The following MAML3 variants were observed in gnomAD, a reference collection of about 807,000 sequenced individuals.
MAML3 encodes the protein mastermind-like protein 3.
In MAML3, 27 loss-of-function variants were observed where a neutral mutation model predicts 101.9. The ratio of observed to expected loss-of-function variants is 0.27; its 90% confidence interval spans 0.20 to 0.37. The LOEUF (loss-of-function observed/expected upper bound fraction) is 0.37, where lower values mean the gene tolerates loss of function less well. Among genes scored for constraint, MAML3 ranks in the 10% least tolerant of loss-of-function variants. MAML3 has a pLI of 1.00. For missense variants in MAML3, 1,316 were observed against 1,444.9 expected, an observed-to-expected ratio of 0.91 and a Z score of 1.45; for synonymous variants, 501 against 555.9, an observed-to-expected ratio of 0.90 and a Z score of 1.39.
chr4:139,776,927 T>C (rs577191569), intron 2 of MAML3, among the ~76,000 whole-genome samples: 7 of 152,306 alleles, frequency 4.6e-5, no homozygotes, highest in Admixed American at 6.5e-5. Flanking sequence ...TAGCCATAAT[T>C]AAAGGGATGG....
chr4:140,121,410 CTTCTACAATCAAT>C (rs1247946549), intron 1 of MAML3, among the ~76,000 whole-genome samples: 2 of 152,180 alleles, frequency 1.3e-5, no homozygotes, highest in African/African-American at 4.8e-5. Flanking sequence ...TTCCAAGGTT[CTTCTACAATCAAT>C]TTCTACAATC....
chr4:139,945,728 C>A (rs1041590322), intron 1 of MAML3, among the ~76,000 whole-genome samples: 11 of 152,130 alleles, frequency 7.2e-5, no homozygotes, highest in African/African-American at 2.7e-4. Context: ...AATAATAAAA[C>A]CAAATTAAAA....
At chr4:139,847,959 T>A (rs1227957217) in intron 2 of MAML3, among the ~76,000 whole-genome samples, 2 of 152,192 alleles carry the variant, frequency 1.3e-5, no homozygotes, top group African/African-American at 4.8e-5. Context: ...ATTTTAGGGA[T>A]CTCCAATCTC....
At chr4:140,061,539 C>T (rs971001377) in intron 1 of MAML3, among the ~76,000 whole-genome samples, 3 of 152,184 alleles carry the variant, frequency 2.0e-5, no homozygotes, top group Non-Finnish European at 2.9e-5. Flanking sequence ...AATTCCAGTA[C>T]GTCAACTCAA....
chr4:140,007,217 A>T (rs572253933), intron 1 of MAML3, among the ~76,000 whole-genome samples: 1 of 152,374 alleles, frequency 6.6e-6, no homozygotes, highest in South Asian at 2.1e-4. Context: ...GTAAGATCTA[A>T]AAGAGATTAG....
chr4:139,790,462 G>A (rs1163533051), intron 2 of MAML3, among the ~76,000 whole-genome samples: 4 of 151,080 alleles, frequency 2.6e-5, no homozygotes, highest in Non-Finnish European at 5.9e-5. Flanking sequence ...GTATATTCAC[G>A]ATGTTGCGCA....
chr4:140,144,530 C>T (rs867524840), intron 1 of MAML3, among the ~76,000 whole-genome samples: 4 of 124,914 alleles, frequency 3.2e-5, no homozygotes, highest in Non-Finnish European at 4.9e-5. Context: ...ACCCTGTCTC[C>T]GAAAAAAAAA....
chr4:139,763,458 G>A (rs1245227995), intron 2 of MAML3, among the ~76,000 whole-genome samples: 6 of 152,164 alleles, frequency 3.9e-5, no homozygotes, highest in Non-Finnish European at 7.3e-5. Flanking sequence ...TCAAACATGT[G>A]AGTTCCCTGC....
Position 139,868,352 on chromosome 4 carries a change from C to A in MAML3, c.2079+21005G>T, listed in dbSNP as rs80325219. 7.4e-4 allele frequency among the ~76,000 whole-genome samples: 112 copies of A among 152,334 alleles called. 1 individual carries two copies. Among genetic ancestry groups the A allele is most frequent in the African/African-American group, 2.6e-3 (107 of 41,570 alleles). On this transcript the variant is annotated intron_variant, in intron 2 of 4. Transcript: ENST00000509479. ...TTTGGTCATAGGATCATTCAAGATT[C>A]ATTTGACATTATGAATTCATTCCAC...
chr4:139,947,830 G>A (rs145052279), intron 1 of MAML3, among the ~76,000 whole-genome samples: 4 of 152,110 alleles, frequency 2.6e-5, no homozygotes, highest in Non-Finnish European at 5.9e-5. Flanking sequence ...TGCTGGGCAT[G>A]GTGACTCACT....
intron 2 of MAML3, among the ~76,000 whole-genome samples, chr4:139,798,064 GAAAGAA>G (rs1251794929): frequency 1.3e-5 from 2 of 150,424 alleles, no homozygotes; most frequent in African/African-American, 2.4e-5. Flanking sequence ...AAGAAAGAAA[GAAAGAA>G]AGAAAGAAAG....
At chr4:140,033,504 C>T (rs1726939019) in intron 1 of MAML3, among the ~76,000 whole-genome samples, 1 of 152,140 alleles carries the variant, frequency 6.6e-6, no homozygotes, top group South Asian at 2.1e-4. Flanking sequence ...GCTGGGCAGG[C>T]CCAGCCTGAG....
At chr4:140,131,016 C>T (rs1440863277) in intron 1 of MAML3, among the ~76,000 whole-genome samples, 1 of 152,082 alleles carries the variant, frequency 6.6e-6, no homozygotes, top group Non-Finnish European at 1.5e-5. Context: ...ATCTTGCTGA[C>T]TAGCCCTAAT....
At chr4:139,748,206 G>A (rs1196809348) in intron 2 of MAML3, among the ~76,000 whole-genome samples, 1 of 151,982 alleles carries the variant, frequency 6.6e-6, no homozygotes, top group East Asian at 1.9e-4. Flanking sequence ...TCTTTACATT[G>A]TCCAGGGCCT....
At chr4:139,805,133 G>A (rs953505163) in intron 2 of MAML3, among the ~76,000 whole-genome samples, 2 of 152,156 alleles carry the variant, frequency 1.3e-5, no homozygotes, top group African/African-American at 2.4e-5. Context: ...GCGGTGAGCC[G>A]AGATGTAGTC....
At chr4:140,104,618 G>C (rs911951596) in intron 1 of MAML3, among the ~76,000 whole-genome samples, 4 of 148,612 alleles carry the variant, frequency 2.7e-5, no homozygotes, top group African/African-American at 5.0e-5. Context: ...TCAGCCTCAC[G>C]AGAAGCTGGT....
chr4:140,127,721 A>G (rs7438880), intron 1 of MAML3, among the ~76,000 whole-genome samples: 39,628 of 151,974 alleles, frequency 0.26, 5,609 homozygotes, highest in African/African-American at 0.38. Context: ...TTCTACAAGA[A>G]CTGTATCTCT....
At chr4:139,988,616 C>T (rs1015721154) in intron 1 of MAML3, among the ~76,000 whole-genome samples, 5 of 152,086 alleles carry the variant, frequency 3.3e-5, no homozygotes, top group Non-Finnish European at 5.9e-5. Context: ...GTTGTCCCAT[C>T]GTAAACTTAT....
At chr4:139,877,999 T>C (rs147420198) in intron 2 of MAML3, among the ~76,000 whole-genome samples, 2 of 152,332 alleles carry the variant, frequency 1.3e-5, no homozygotes, top group African/African-American at 4.8e-5. Flanking sequence ...ACTATGGCCA[T>C]TGTTCTCTTA....
Sources: allele counts gnomAD v4.1 joint callset (sites outside exome capture counted in the v4.1 genomes callset), GRCh38; gene constraint gnomAD v4.1.1; transcripts MANE v1.5; gene names NCBI Gene and HGNC (gene_info 2026-07-23, HGNC 2026-07-21).